The following MAST2 variants were observed in gnomAD, a reference collection of about 807,000 sequenced individuals.
The protein encoded by MAST2 is microtubule-associated serine/threonine-protein kinase 2.
A neutral mutation model predicts 147.4 loss-of-function variants in MAST2; 70 were observed. The ratio of observed to expected loss-of-function variants is 0.47; its 90% CI spans 0.39 to 0.58. The LOEUF is 0.58. Among genes scored for constraint, MAST2 ranks in the 20% least tolerant of loss-of-function variants. The probability of loss-of-function intolerance (pLI) is 0.00; values close to 1 mark genes in which losing one functional copy is unlikely to be tolerated. For synonymous variants in MAST2, 869 were observed against 896.8 expected (o/e 0.97, Z 0.55); for missense variants, 2,080 against 2,302.3 (o/e 0.90, Z 1.98).
chr1:45,830,341 G>A (rs189218948), intron 3 of MAST2, among the ~76,000 whole-genome samples: 50 of 150,644 alleles, frequency 3.3e-4, no homozygotes, highest in Non-Finnish European at 7.1e-4. Context: ...TACCCCGCTA[G>A]TTTTTGTGTT....
intron 19 of MAST2, 66 bp downstream of exon 19, chr1:46,029,633 C>A: frequency 6.7e-7 from 1 of 1,496,196 alleles, no homozygotes; most frequent in Non-Finnish European, 9.2e-7. Context: ...GAGTCATGTA[C>A]CCTGGAGGTT....
intron 16 of MAST2, among the ~76,000 whole-genome samples, chr1:46,026,143 T>C (rs971736943): frequency 6.6e-6 from 1 of 152,242 alleles, no homozygotes. Context: ...ATCTACTCTG[T>C]GCCAGCACTA....
chr1:45,905,630 G>T (rs765082741), intron 4 of MAST2, among the ~76,000 whole-genome samples: 4 of 152,090 alleles, frequency 2.6e-5, no homozygotes, highest in African/African-American at 4.8e-5. Flanking sequence ...CAAAAAATTA[G>T]CTGGGCATGG....
chr1:46,030,800 T>C (rs1646627696), intron 22 of MAST2, 39 bp downstream of exon 22: 1 of 1,528,456 alleles, frequency 6.5e-7, no homozygotes, highest in Non-Finnish European at 8.8e-7. Context: ...GCGACACAGC[T>C]ATCCCTGCAT....
At chr1:45,902,110 C>T (rs1431564511) in intron 4 of MAST2, among the ~76,000 whole-genome samples, 1 of 152,090 alleles carries the variant, frequency 6.6e-6, no homozygotes, top group Non-Finnish European at 1.5e-5. Flanking sequence ...ATGCTATTGG[C>T]TGTGAGTTTA....
At chr1:46,027,916 G>A (rs1646484485) in intron 17 of MAST2, 53 bp downstream of exon 17, 6 of 1,603,872 alleles carry the variant, frequency 3.7e-6, no homozygotes, top group Non-Finnish European at 5.1e-6. Flanking sequence ...CCTTGTCCTG[G>A]CGCAGTGTCT....
intron 5 of MAST2, among the ~76,000 whole-genome samples, chr1:45,967,816 C>T (rs1465595531): frequency 6.6e-6 from 1 of 152,120 alleles, no homozygotes; most frequent in Non-Finnish European, 1.5e-5. Context: ...CTTCAAATAC[C>T]ACTATACCAC....
chr1:45,872,370 C>A (rs901253266), intron 3 of MAST2, among the ~76,000 whole-genome samples: 1 of 152,166 alleles, frequency 6.6e-6, no homozygotes, highest in Admixed American at 6.5e-5. Context: ...TGCCTTTGGA[C>A]ACTTGGCCTT....
intron 8 of MAST2, among the ~76,000 whole-genome samples, chr1:46,007,707 G>A (rs1645543873): frequency 6.6e-6 from 1 of 152,178 alleles, no homozygotes; most frequent in African/African-American, 2.4e-5. Context: ...TGACACATGA[G>A]CCAGAGGGGG....
rs1646702355 is a variant in MAST2, at chr1:46,032,295, G to A, written c.3305G>A (p.Arg1102Lys). The stretch of plus-strand genomic sequence containing the variant: ...TTCTTGCCAGCCCTTGGCAGCATGA[G>A]GCCTCCCATCATCATCCACCGAGCT... ...RDFLPALGSM[R>K]PPIIIHRAGK... is the part of the protein sequence containing the mutation. The change falls in exon 25 of 29, where the codon AGG becomes AAG. Residue 1102 changes from arginine to lysine, a missense_variant. Around this residue, in one of 4 missense-constraint regions of MAST2, gnomAD observed 1,278 missense variants for 1,304.2 expected, o/e 0.98. Transcript: ENST00000361297. 6.2e-7 allele frequency: 1 copy of A among 1,614,084 alleles called. No homozygotes were observed. The highest frequency in any genetic ancestry group is 1.7e-5 in the Admixed American group (1 of 60,008).
At chr1:45,966,717 G>T (rs1453770446) in intron 5 of MAST2, among the ~76,000 whole-genome samples, 1 of 152,090 alleles carries the variant, frequency 6.6e-6, no homozygotes, top group African/African-American at 2.4e-5. Context: ...GTGAGACTCT[G>T]TCTCAGAAAA....
At chr1:45,975,493 TCCAAAAAA>T (rs539544150) in intron 5 of MAST2, among the ~76,000 whole-genome samples, 31,439 of 56,886 alleles carry the variant, frequency 0.55, 5,846 homozygotes, top group Middle Eastern at 0.67. Flanking sequence ...TCCCTGTCTC[TCCAAAAAA>T]AAAAAAAAAA....
At chr1:46,026,002 CT>C (rs893160136) in intron 16 of MAST2, among the ~76,000 whole-genome samples, 187 bp downstream of exon 16, 2 of 152,202 alleles carry the variant, frequency 1.3e-5, no homozygotes, top group African/African-American at 4.8e-5. Context: ...GCCTCAAGGT[CT>C]GGCTGGAACA....
At chr1:45,966,738 A>G (rs1052871939) in intron 5 of MAST2, among the ~76,000 whole-genome samples, 1 of 151,998 alleles carries the variant, frequency 6.6e-6, no homozygotes, top group African/African-American at 2.4e-5. Flanking sequence ...AGAAAAAGAA[A>G]AACTCCCAGG....
intron 3 of MAST2, among the ~76,000 whole-genome samples, chr1:45,873,104 G>C (rs1646463750): frequency 6.6e-6 from 1 of 151,956 alleles, no homozygotes; most frequent in Non-Finnish European, 1.5e-5. Context: ...GGTGGGGTTA[G>C]TTTTTAGAGA....
rs1553217416 is a variant in MAST2, at chr1:45,871,216, T to TC, written c.469-11144dup. 4.2e-3 allele frequency among the ~76,000 whole-genome samples: 562 copies of TC among 133,898 alleles called. 4 individuals carry two copies. Among genetic ancestry groups the TC allele is most frequent in the African/African-American group, 0.015 (495 of 33,924 alleles). The allele number at this position is 133,898 out of a possible 152,430, so 87.8% of individuals were successfully genotyped here. ...TATCCTACATCTCTATGCCTTACTG[T>TC]CCCCTTTTTTTTTTACCCTTTAAAA... On this transcript the variant is annotated intron_variant, in intron 3 of 28. Transcript: ENST00000361297.
chr1:46,013,963 G>T (rs1297291497), intron 10 of MAST2, among the ~76,000 whole-genome samples: 1 of 151,982 alleles, frequency 6.6e-6, no homozygotes, highest in African/African-American at 2.4e-5. Flanking sequence ...AAGAAGAAAA[G>T]TCCTCATTTA....
chr1:45,875,682 C>T (rs754210944), intron 3 of MAST2, among the ~76,000 whole-genome samples: 1 of 151,622 alleles, frequency 6.6e-6, no homozygotes, highest in African/African-American at 2.4e-5. Flanking sequence ...TAGAATTGGC[C>T]GAGCTTGATG....
intron 5 of MAST2, among the ~76,000 whole-genome samples, chr1:45,991,877 GT>G (rs1362796137): frequency 6.6e-6 from 1 of 151,644 alleles, no homozygotes; most frequent in Non-Finnish European, 1.5e-5. Flanking sequence ...TGCCTTTTTG[GT>G]TTTGTTTTGC....
Sources: gnomAD v4.1 joint callset for allele counts (sites outside exome capture counted in the v4.1 genomes callset) on GRCh38, gnomAD v4.1.1 for gene constraint, gnomAD v4.1.1 regional missense constraint, MANE v1.5 for transcripts, NCBI Gene and HGNC (gene_info 2026-07-23, HGNC 2026-07-21) for gene names.